Variants in KCNE1 observed in about 807,000 individuals in gnomAD.
KCNE1 encodes potassium voltage-gated channel subfamily E member 1.
Under a neutral mutation model 2.9 loss-of-function variants are expected in KCNE1, and 1 was observed. That is an observed-to-expected ratio of 0.34 (90% CI 0.12 to 1.62). The LOEUF (loss-of-function observed/expected upper bound fraction) is 1.62, where lower values mean the gene tolerates loss of function less well. Ranked by LOEUF, KCNE1 falls within the 40% of genes most tolerant of loss-of-function variation. KCNE1 has a pLI of 0.36. For synonymous variants in KCNE1, 23 were observed against 65.4 expected (o/e 0.35, Z 3.13); for missense variants, 45 against 150.5 (o/e 0.30, Z 3.67).
intron 2 of KCNE1, among the ~76,000 whole-genome samples, chr21:34,496,719 C>T (rs998030979): frequency 6.6e-6 from 1 of 152,122 alleles, no homozygotes; most frequent in African/African-American, 2.4e-5. Context: ...TCTTTGTTGA[C>T]TTCCTGTCTT....
intron 2 of KCNE1, among the ~76,000 whole-genome samples, chr21:34,503,267 T>C (rs1983275454): frequency 6.6e-6 from 1 of 152,158 alleles, no homozygotes; most frequent in African/African-American, 2.4e-5. Flanking sequence ...CTTATGTTTA[T>C]CCCTTATGAT....
At chr21:34,502,371 A>G (rs1001498283) in intron 2 of KCNE1, among the ~76,000 whole-genome samples, 1 of 152,228 alleles carries the variant, frequency 6.6e-6, no homozygotes, top group Non-Finnish European at 1.5e-5. Context: ...AATGATTCCA[A>G]CAGATGAAGG....
intron 2 of KCNE1, among the ~76,000 whole-genome samples, chr21:34,496,878 T>A (rs1324547590): frequency 6.6e-6 from 1 of 152,206 alleles, no homozygotes; most frequent in Admixed American, 6.5e-5. Context: ...ATTGTGATAT[T>A]TTCCTGTTGC....
chr21:34,498,284 T>A (rs996974216), intron 2 of KCNE1, among the ~76,000 whole-genome samples: 1 of 152,212 alleles, frequency 6.6e-6, no homozygotes, highest in Non-Finnish European at 1.5e-5. Flanking sequence ...CAGAATTAAT[T>A]TTCAGATTCC....
intron 2 of KCNE1, among the ~76,000 whole-genome samples, chr21:34,504,109 C>T (rs1239719314): frequency 6.6e-6 from 1 of 152,220 alleles, no homozygotes; most frequent in Non-Finnish European, 1.5e-5. Context: ...TCCCCAGTCC[C>T]TAGGCCCCAC....
At chr21:34,506,095 C>T (rs1983471012) in intron 2 of KCNE1, among the ~76,000 whole-genome samples, 1 of 152,216 alleles carries the variant, frequency 6.6e-6, no homozygotes, top group Admixed American at 6.5e-5. Context: ...TGAGTCCCTA[C>T]AGAGAATTCC....
At chr21:34,453,955 T>C (rs76929781) in intron 3 of KCNE1, among the ~76,000 whole-genome samples, 2,691 of 125,756 alleles carry the variant, frequency 0.021, 691 homozygotes, top group African/African-American at 0.082. Flanking sequence ...GTTTCTGATT[T>C]GGTAGAACTG....
intron 1 of KCNE1, among the ~76,000 whole-genome samples, chr21:34,511,608 C>T (rs375641177): frequency 3.3e-5 from 5 of 152,208 alleles, no homozygotes; most frequent in African/African-American, 4.8e-5. Flanking sequence ...AAATTATGTA[C>T]GGTGTGGTTT....
chr21:34,501,613 G>C (rs1259961146), intron 2 of KCNE1, among the ~76,000 whole-genome samples: 2 of 152,136 alleles, frequency 1.3e-5, no homozygotes, highest in Non-Finnish European at 2.9e-5. Context: ...TGGATGAGAA[G>C]GTTTATAGTT....
intron 2 of KCNE1, among the ~76,000 whole-genome samples, chr21:34,496,196 C>T (rs1422150473): frequency 1.3e-5 from 2 of 152,110 alleles, no homozygotes; most frequent in African/African-American, 2.4e-5. Flanking sequence ...GCCTCAGCTT[C>T]CTGAGTAGCT....
At chr21:34,506,385 C>A (rs1047318474) in intron 2 of KCNE1, among the ~76,000 whole-genome samples, 2 of 152,182 alleles carry the variant, frequency 1.3e-5, no homozygotes, top group Non-Finnish European at 2.9e-5. Context: ...GGATGAGAAC[C>A]AATCTATCCT....
In KCNE1 at chr21:34,497,721, T is replaced by C. The variant is rs73365377; in HGVS notation, c.-162+13380A>G. Among the ~76,000 whole-genome samples the C allele has an allele frequency of 3.9e-3, 593 of 152,306 alleles. 2 individuals carry two copies. The highest frequency in any genetic ancestry group is 0.014 in the African/African-American group (573 of 41,556). On this transcript the variant is annotated intron_variant, in intron 2 of 3. Transcript: ENST00000399286. ...TCTTTGAGCTTGTTTGATATCTAGGTCTCTAGCAAGGCCAGGGAAGTTTTC... is the reference window on the plus strand; with the variant it reads ...TCTTTGAGCTTGTTTGATATCTAGGCCTCTAGCAAGGCCAGGGAAGTTTTC...
chr21:34,450,444 C>A (rs1981181520), intron 3 of KCNE1, among the ~76,000 whole-genome samples: 1 of 77,636 alleles, frequency 1.3e-5, no homozygotes, highest in African/African-American at 3.5e-5. Flanking sequence ...GAGAGCTCCC[C>A]TCGAAGAGGC....
intron 2 of KCNE1, among the ~76,000 whole-genome samples, chr21:34,496,076 CTTTT>C (rs147332706): frequency 6.7e-6 from 1 of 149,546 alleles, no homozygotes; most frequent in African/African-American, 2.5e-5. Flanking sequence ...AGCTCAAATA[CTTTT>C]TTTTTTCTTT....
chr21:34,511,066 CTG>C (rs1223727750), intron 2 of KCNE1, 33 bp downstream of exon 2: 2 of 873,058 alleles, frequency 2.3e-6, no homozygotes, highest in Non-Finnish European at 2.7e-6. Flanking sequence ...GGGTGCCTAA[CTG>C]AGGAAAGGGT....
chr21:34,496,160 G>A (rs985909790), intron 2 of KCNE1, among the ~76,000 whole-genome samples: 15 of 151,734 alleles, frequency 9.9e-5, no homozygotes, highest in South Asian at 2.1e-4. Context: ...TGCAAGCTCC[G>A]CCTCCCAGGT....
At chr21:34,503,907 C>T (rs188792413) in intron 2 of KCNE1, among the ~76,000 whole-genome samples, 12 of 152,330 alleles carry the variant, frequency 7.9e-5, no homozygotes, top group Admixed American at 1.3e-4. Flanking sequence ...AGGCGCACCT[C>T]ACCTTGTGAA....
chr21:34,507,928 T>G (rs1158259496), intron 2 of KCNE1, among the ~76,000 whole-genome samples: 2 of 152,246 alleles, frequency 1.3e-5, no homozygotes, highest in African/African-American at 2.4e-5. Flanking sequence ...CTAGGTTAGC[T>G]GCTTTGTTTC....
At chr21:34,508,033 C>CTTT (rs552851295) in intron 2 of KCNE1, among the ~76,000 whole-genome samples, 1 of 146,366 alleles carries the variant, frequency 6.8e-6, no homozygotes, top group Non-Finnish European at 1.5e-5. Context: ...CTGTTGGGTT[C>CTTT]TTTTTTTTTT....
Sources: gnomAD v4.1 joint callset for allele counts (sites outside exome capture counted in the v4.1 genomes callset) on GRCh38, gnomAD v4.1.1 for gene constraint, MANE v1.5 for transcripts, NCBI Gene and HGNC (gene_info 2026-07-23, HGNC 2026-07-21) for gene names.